The following NUP205 variants were observed in gnomAD, a reference collection of about 807,000 sequenced individuals.
NUP205 encodes nuclear pore complex protein Nup205.
A neutral mutation model predicts 253.8 loss-of-function variants in NUP205; 76 were observed. The observed-to-expected ratio is 0.30, with a 90% CI of 0.25 to 0.36. NUP205 has a LOEUF of 0.36. Among genes scored for constraint, NUP205 ranks in the 10% least tolerant of loss-of-function variants. The pLI, the probability that NUP205 is intolerant of heterozygous loss-of-function variation, is 1.00. For missense variants in NUP205, 2,162 were observed against 2,425.5 expected, an observed-to-expected ratio of 0.89 and a Z score of 2.28; for synonymous variants, 832 against 850.1, an observed-to-expected ratio of 0.98 and a Z score of 0.37.
intron 15 of NUP205, 46 bp from the exon 16 acceptor site, chr7:135,600,824 C>A: frequency 8.6e-7 from 1 of 1,168,818 alleles, no homozygotes; most frequent in South Asian, 1.4e-5. Context: ...AAGGCCACCA[C>A]CTTGGTCTGT....
At chr7:135,589,767 A>G (rs1051761716) in intron 10 of NUP205, among the ~76,000 whole-genome samples, 1 of 151,144 alleles carries the variant, frequency 6.6e-6, no homozygotes. Flanking sequence ...CTGTCTCTAC[A>G]AAAAATATTT....
In NUP205 at chr7:135,625,300, T is replaced by A; in HGVS notation, c.4616T>A (p.Leu1539Ter). Residue 1539 changes from leucine to a stop codon, truncating the protein, a stop_gained, in exon 32 of 43, where the codon TTA becomes TAA. Transcript: ENST00000285968. LOFTEE classifies it high-confidence loss of function. ...LVEDDRTLQS[L>*]LTPQPPLLKA... ...GAAGATGACCGTACTTTGCAGAGCT[T>A]ACTCACCCCACAGCCTCCCCTTTTA... is the stretch of plus-strand genomic sequence containing the variant. 1 of 1,614,016 alleles carries A rather than the reference T, an allele frequency of 6.2e-7. No individual in the cohort carries two copies. The highest frequency in any genetic ancestry group is 8.5e-7 in the Non-Finnish European group (1 of 1,179,970).
chr7:135,629,566 A>T (rs1432505933), intron 34 of NUP205, among the ~76,000 whole-genome samples: 5 of 139,214 alleles, frequency 3.6e-5, no homozygotes, highest in Non-Finnish European at 6.1e-5. Flanking sequence ...TCACTTCGTC[A>T]CCCAGGCTGG....
At chr7:135,604,730 T>C (rs1463989223) in intron 19 of NUP205, among the ~76,000 whole-genome samples, 2 of 152,236 alleles carry the variant, frequency 1.3e-5, no homozygotes, top group Non-Finnish European at 2.9e-5. Context: ...CTCAGCACGT[T>C]CAAAATGATT....
rs1206045773 is a variant in NUP205, at chr7:135,594,806, A to G, written c.2013+77A>G. 4 of 1,116,954 alleles carry G rather than the reference A, an allele frequency of 3.6e-6. No homozygotes were observed. The Admixed American group carries it at 9.0e-5, about 25-fold the overall frequency. 69.2% of individuals were successfully genotyped at this position (1,116,954 alleles called of 1,614,324 possible). ...TTGATAATACCATAGAAGCAAGAAC[A>G]TGCAATTGGAACTTATAGTATATCA... is the stretch of plus-strand genomic sequence containing the variant. On this transcript the variant is annotated intron_variant, in intron 13 of 42. Coordinates refer to ENST00000285968, the MANE Select transcript of NUP205 (RefSeq NM_015135.3).
intron 2 of NUP205, 111 bp downstream of exon 2, chr7:135,571,358 AT>A: frequency 1.6e-6 from 1 of 622,536 alleles, no homozygotes; most frequent in Non-Finnish European, 2.3e-6. Context: ...TCAGAAATTT[AT>A]TTACTGTGCC....
intron 36 of NUP205, among the ~76,000 whole-genome samples, chr7:135,636,928 C>A (rs1490920976): frequency 1.3e-5 from 2 of 152,096 alleles, no homozygotes; most frequent in Non-Finnish European, 2.9e-5. Context: ...ATTACTTGAA[C>A]CTAGGAGGCA....
chr7:135,601,528 A>G, intron 17 of NUP205, 21 bp downstream of exon 17: 2 of 1,600,322 alleles, frequency 1.2e-6, no homozygotes. Context: ...AAAAGCCTTC[A>G]TGTCTTGCAA....
Position 135,624,053 on chromosome 7 carries a change from G to A in NUP205, c.4480-1111G>A, listed in dbSNP as rs552923182. 2.6e-5 allele frequency among the ~76,000 whole-genome samples: 4 copies of A among 151,984 alleles called. No individual in the cohort carries two copies. The South Asian group carries it at 8.3e-4, about 32-fold the overall frequency. The stretch of plus-strand genomic sequence containing the variant: ...CGCCTCGGCCTCCCAAAGTGCTGGG[G>A]TTACAGGCATGAGCCACCACACCCG... On this transcript the variant is annotated intron_variant, in intron 31 of 42. Transcript: ENST00000285968.
At chr7:135,561,582 C>T (rs1382618895) in intron 1 of NUP205, among the ~76,000 whole-genome samples, 1 of 152,154 alleles carries the variant, frequency 6.6e-6, no homozygotes, top group Non-Finnish European at 1.5e-5. Context: ...ACTAACTAAA[C>T]CCTCAGACTT....
At chr7:135,627,920 C>T (rs1366569769) in intron 33 of NUP205, 53 bp from the exon 34 acceptor site, 69 of 1,589,010 alleles carry the variant, frequency 4.3e-5, no homozygotes, top group Middle Eastern at 1.7e-4. Flanking sequence ...AAGGAATTGC[C>T]GAGAGTATAC....
At position 135,635,659 on chromosome 7, in the gene NUP205, TA is replaced by T; in HGVS notation, c.5136+4del. 6.5e-7 allele frequency: 1 copy of T among 1,534,784 alleles called. No homozygotes were observed. Among genetic ancestry groups the T allele is most frequent in the Non-Finnish European group, 9.0e-7 (1 of 1,113,238 alleles). On this transcript the variant is annotated splice_donor_region_variant and intron_variant, in intron 36 of 42. Coordinates refer to ENST00000285968, the MANE Select transcript of NUP205 (RefSeq NM_015135.3). The stretch of plus-strand genomic sequence containing the variant: ...CAGGGACATATTGGAAGATTCCAGG[TA>T]ACTGATTCTTATTTCTTTAAATAGC...
At chr7:135,638,845 G>C (rs1794866426) in intron 38 of NUP205, among the ~76,000 whole-genome samples, 162 bp downstream of exon 38, 1 of 152,134 alleles carries the variant, frequency 6.6e-6, no homozygotes. Flanking sequence ...ATTATTATTA[G>C]ACCTATGTAC....
In NUP205 at chr7:135,602,559, A is replaced by G. The variant is rs767561949; in HGVS notation, c.2513-246A>G. Among the ~76,000 whole-genome samples, 6 of 152,234 alleles carry G rather than the reference A, an allele frequency of 3.9e-5. No homozygotes were observed. The East Asian group carries it at 9.6e-4, about 24-fold the overall frequency. ...AAGAAGTGATTTGAGAATCCATTCC[A>G]TGGGAGTTTTCTGGATTGCAAAATA... On this transcript the variant is annotated intron_variant, in intron 17 of 42. Transcript: ENST00000285968.
intron 3 of NUP205, among the ~76,000 whole-genome samples, chr7:135,575,416 G>T (rs1314360886): frequency 6.6e-6 from 1 of 152,112 alleles, no homozygotes. Context: ...GAACAGAAAG[G>T]AGTAGAGTGG....
chr7:135,637,303 C>A (rs74632423), intron 36 of NUP205, among the ~76,000 whole-genome samples: 2 of 152,198 alleles, frequency 1.3e-5, no homozygotes, highest in Non-Finnish European at 2.9e-5. Flanking sequence ...GAACCCATGT[C>A]TCTAATTTGA....
At chr7:135,576,603 C>T (rs778735317) in intron 4 of NUP205, among the ~76,000 whole-genome samples, 189 bp downstream of exon 4, 3 of 151,960 alleles carry the variant, frequency 2.0e-5, no homozygotes, top group South Asian at 2.1e-4. Context: ...TAATTTGGAC[C>T]GAGGTGCAGT....
intron 15 of NUP205, among the ~76,000 whole-genome samples, chr7:135,600,021 T>C (rs1486966128): frequency 6.6e-6 from 1 of 152,158 alleles, no homozygotes; most frequent in African/African-American, 2.4e-5. Context: ...AATTTAAAAG[T>C]CACTTTATAG....
At chr7:135,594,861 G>A in intron 13 of NUP205, 132 bp downstream of exon 13, 1 of 668,174 alleles carries the variant, frequency 1.5e-6, no homozygotes, top group Non-Finnish European at 2.5e-6. Flanking sequence ...TACGGTTTAG[G>A]GACTGAGCAT....
Sources: allele counts gnomAD v4.1 joint callset (sites outside exome capture counted in the v4.1 genomes callset), GRCh38; gene constraint gnomAD v4.1.1; transcripts MANE v1.5; gene names NCBI Gene and HGNC (gene_info 2026-07-23, HGNC 2026-07-21).